The following PIK3R1 variants were observed in gnomAD, a reference collection of about 807,000 sequenced individuals.
The protein encoded by PIK3R1 is phosphoinositide-3-kinase regulatory subunit 1.
A neutral mutation model predicts 98.0 loss-of-function variants in PIK3R1; 29 were observed. The observed-to-expected ratio is 0.30, with a 90% CI of 0.22 to 0.40. The LOEUF is 0.40. Among genes scored for constraint, PIK3R1 ranks in the 10% least tolerant of loss-of-function variants. PIK3R1 has a pLI of 1.00. For missense variants in PIK3R1, 596 were observed against 872.7 expected (o/e 0.68, Z 3.99); for synonymous variants, 282 against 311.8 (o/e 0.90, Z 1.01).
intron 15 of PIK3R1, 128 bp downstream of exon 15, chr5:68,296,469 T>C: frequency 2.3e-6 from 2 of 853,658 alleles, no homozygotes; most frequent in Non-Finnish European, 3.6e-6. Flanking sequence ...AGTACAATAA[T>C]GTAGAAGAGA....
intron 2 of PIK3R1, among the ~76,000 whole-genome samples, chr5:68,248,838 AAT>A (rs1251746021): frequency 6.6e-6 from 1 of 152,218 alleles, no homozygotes; most frequent in Admixed American, 6.5e-5. Flanking sequence ...GATGAATTTA[AAT>A]GAGTAGAGCA....
At chr5:68,217,885 C>T (rs1019178738) in intron 1 of PIK3R1, 2 of 152,160 alleles carry the variant, frequency 1.3e-5, no homozygotes, top group African/African-American at 4.8e-5. Context: ...CTGATACTGG[C>T]TTGCAAAGTG....
chr5:68,241,512 T>C (rs1397360067), intron 2 of PIK3R1, among the ~76,000 whole-genome samples: 2 of 152,206 alleles, frequency 1.3e-5, no homozygotes, highest in Non-Finnish European at 2.9e-5. Flanking sequence ...ATTTCTTTAA[T>C]GTGACTCCTT....
At chr5:68,291,392 ATTTTTTGTATAAG>A (rs1012642708) in intron 7 of PIK3R1, 6 of 152,154 alleles carry the variant, frequency 3.9e-5, no homozygotes, top group African/African-American at 1.4e-4. Context: ...ACCTGAAATC[ATTTTTTGTATAAG>A]TTAAAATAGT....
At chr5:68,288,704 G>A (rs753686495) in intron 7 of PIK3R1, 2 of 1,612,316 alleles carry the variant, frequency 1.2e-6, no homozygotes, top group Non-Finnish European at 1.7e-6. Flanking sequence ...TTTCATTGTC[G>A]GATACAGGCA....
chr5:68,226,059 A>T (rs150031291), intron 1 of PIK3R1, among the ~76,000 whole-genome samples: 1 of 152,018 alleles, frequency 6.6e-6, no homozygotes, highest in African/African-American at 2.4e-5. Context: ...ATAATGTCAC[A>T]TTATCGCTAA....
intron 4 of PIK3R1, among the ~76,000 whole-genome samples, chr5:68,277,006 G>C (rs1382461251): frequency 6.6e-6 from 1 of 152,190 alleles, no homozygotes; most frequent in Non-Finnish European, 1.5e-5. Flanking sequence ...TCTTGTTAGA[G>C]GGGTGGCTCA....
At chr5:68,224,099 A>C (rs1318682470) in intron 1 of PIK3R1, among the ~76,000 whole-genome samples, 1 of 152,216 alleles carries the variant, frequency 6.6e-6, no homozygotes, top group Non-Finnish European at 1.5e-5. Context: ...GCTAACAAAA[A>C]TTTCAAGGCA....
At chr5:68,220,636 C>T (rs1017171250) in intron 1 of PIK3R1, among the ~76,000 whole-genome samples, 1 of 152,192 alleles carries the variant, frequency 6.6e-6, no homozygotes, top group African/African-American at 2.4e-5. Flanking sequence ...CTCTCCCTCG[C>T]CCCACAAACA....
rs112373161 is a variant in PIK3R1, at chr5:68,258,033, G to A, written c.335-15357G>A. On this transcript the variant is annotated intron_variant, in intron 2 of 15. Transcript: ENST00000521381. Reference sequence around the variant, plus strand: ...ATCCAAACTGGAAGCAGATATTTGAGCTGTGAACACATTTTTTCTTAGAAG... The same window carrying A: ...ATCCAAACTGGAAGCAGATATTTGAACTGTGAACACATTTTTTCTTAGAAG... 6.4e-3 allele frequency among the ~76,000 whole-genome samples: 972 copies of A among 152,286 alleles called. 5 individuals are homozygous for A. Among genetic ancestry groups the A allele is most frequent in the Non-Finnish European group, 0.011 (738 of 68,020 alleles).
intron 2 of PIK3R1, among the ~76,000 whole-genome samples, chr5:68,235,330 G>A (rs1744623893): frequency 6.6e-6 from 1 of 152,052 alleles, no homozygotes; most frequent in Admixed American, 6.6e-5. Context: ...TTGAAACTGG[G>A]AGGCAGAGGT....
intron 2 of PIK3R1, among the ~76,000 whole-genome samples, chr5:68,253,552 A>G (rs1745397418): frequency 6.6e-6 from 1 of 152,178 alleles, no homozygotes; most frequent in Non-Finnish European, 1.5e-5. Flanking sequence ...CCAAACTTAA[A>G]TTTCTATTTG....
rs541854753 is a variant in PIK3R1, at chr5:68,296,067, A to AG, written c.1815-100dup. The stretch of plus-strand genomic sequence containing the variant: ...TGATGGCCAGTCTGACTGGCTTGGT[A>AG]GGGGCCAGGAGGGAAGTGACGGGGG... On this transcript the variant is annotated intron_variant, in intron 14 of 15. Coordinates refer to ENST00000521381, the MANE Select transcript of PIK3R1 (RefSeq NM_181523.3). 3.7e-4 allele frequency: 403 copies of AG among 1,085,816 alleles called. 1 individual carries two copies. The African/African-American group carries it at 5.7e-3, about 15-fold the overall frequency. 67.3% of individuals were successfully genotyped at this position (1,085,816 alleles called of 1,614,324 possible).
rs146895602 is a variant in PIK3R1 at position 68,226,321 on chromosome 5, A to G, written c.-355A>G. The G allele has an allele frequency of 1.9e-4, 79 of 423,692 alleles. No individual in the cohort carries two copies. Among genetic ancestry groups the G allele is most frequent in the Non-Finnish European group, 2.8e-4 (66 of 239,818 alleles). The allele number at this position is 423,692 out of a possible 1,614,324, so 26.2% of individuals were successfully genotyped here. Reference sequence around the variant, plus strand: ...CTCGTGTGTGGAGTGCCACGGTACAATCAGACGACAGATGGACAGTGTGAC... The same window carrying G: ...CTCGTGTGTGGAGTGCCACGGTACAGTCAGACGACAGATGGACAGTGTGAC... On this transcript the variant is annotated 5_prime_UTR_variant, in exon 2 of 16. Coordinates refer to ENST00000521381, the MANE Select transcript of PIK3R1 (RefSeq NM_181523.3).
chr5:68,265,699 A>G (rs1052625695), intron 2 of PIK3R1, among the ~76,000 whole-genome samples: 14 of 152,202 alleles, frequency 9.2e-5, no homozygotes, highest in Non-Finnish European at 1.5e-4. Flanking sequence ...GGGAAGGGAC[A>G]CAATTCAGTC....
chr5:68,254,402 T>C (rs1175961649), intron 2 of PIK3R1, among the ~76,000 whole-genome samples: 1 of 152,098 alleles, frequency 6.6e-6, no homozygotes, highest in Non-Finnish European at 1.5e-5. Context: ...CATCTACTCT[T>C]CCAACAAATA....
intron 2 of PIK3R1, among the ~76,000 whole-genome samples, chr5:68,261,169 AT>A (rs1450412752): frequency 6.6e-6 from 1 of 152,182 alleles, no homozygotes; most frequent in Non-Finnish European, 1.5e-5. Context: ...ATATAGAATT[AT>A]TTTTTAAGTA....
At chr5:68,217,230 C>T (rs1356613330) in intron 1 of PIK3R1, among the ~76,000 whole-genome samples, 1 of 152,128 alleles carries the variant, frequency 6.6e-6, no homozygotes, top group African/African-American at 2.4e-5. Context: ...GGGATATTCA[C>T]AGAGCTTATT....
chr5:68,271,110 C>A (rs1561283693), intron 2 of PIK3R1, among the ~76,000 whole-genome samples: 1 of 152,160 alleles, frequency 6.6e-6, no homozygotes, highest in Admixed American at 6.5e-5. Context: ...TAACCCCAAA[C>A]AGGTTACTAG....
Sources: allele counts gnomAD v4.1 joint callset (sites outside exome capture counted in the v4.1 genomes callset), GRCh38; gene constraint gnomAD v4.1.1; transcripts MANE v1.5; gene names NCBI Gene and HGNC (gene_info 2026-07-23, HGNC 2026-07-21).